The following LRRC7 variants were observed in gnomAD, a reference collection of about 807,000 sequenced individuals.
The protein encoded by LRRC7 is leucine rich repeat containing 7.
A neutral mutation model predicts 175.7 loss-of-function variants in LRRC7; 23 were observed. The ratio of observed to expected loss-of-function variants is 0.13; its 90% CI spans 0.09 to 0.19. The LOEUF (loss-of-function observed/expected upper bound fraction) is 0.19. LRRC7 is among the 10% of genes least tolerant of loss of function. The pLI, the probability that LRRC7 is intolerant of heterozygous loss-of-function variation, is 1.00. For missense variants in LRRC7, 1,354 were observed against 1,904.7 expected, an observed-to-expected ratio of 0.71 and a Z score of 5.38; for synonymous variants, 685 against 680.9, an observed-to-expected ratio of 1.01 and a Z score of -0.09.
chr1:70,038,561 A>G lies in LRRC7; in HGVS notation c.2737A>G (p.Lys913Glu). The G allele has an allele frequency of 6.2e-7, 1 of 1,614,152 alleles. No homozygotes were observed. The highest frequency in any genetic ancestry group is 1.7e-4 in the Middle Eastern group (1 of 6,060). Reference protein sequence around the residue: ...TPTTSPLPERKEHIKESTEIP... With the variant: ...TPTTSPLPEREEHIKESTEIP... ...CACTACCAGCCCATTGCCTGAAAGG[A>G]AAGAACATATAAAGGAATCTACTGA... is the stretch of plus-strand genomic sequence containing the variant. Residue 913 changes from lysine to glutamate, a missense_variant, in exon 21 of 27, where the codon AAA becomes GAA. Around this residue, in one of 4 missense-constraint regions of LRRC7, gnomAD observed 1,032 missense variants for 1,227.2 expected, o/e 0.84. Coordinates refer to ENST00000651989, the MANE Select transcript of LRRC7 (RefSeq NM_001370785.2).
intron 1 of LRRC7, among the ~76,000 whole-genome samples, chr1:69,612,560 T>C (rs565066269): frequency 2.6e-4 from 40 of 152,088 alleles, no homozygotes; most frequent in African/African-American, 9.6e-4. Flanking sequence ...ATTCTAAAAC[T>C]CTTGTTACTG....
intron 8 of LRRC7, among the ~76,000 whole-genome samples, 174 bp from the exon 9 acceptor site, chr1:69,980,205 G>C (rs1653278323): frequency 6.6e-6 from 1 of 152,020 alleles, no homozygotes; most frequent in Non-Finnish European, 1.5e-5. Flanking sequence ...CAAATTGGCT[G>C]TCAGGGAATA....
At chr1:69,779,128 G>A (rs1673186359) in intron 3 of LRRC7, among the ~76,000 whole-genome samples, 1 of 151,770 alleles carries the variant, frequency 6.6e-6, no homozygotes, top group Admixed American at 6.6e-5. Context: ...ATACCACATT[G>A]ATTACCCTCT....
At chr1:69,669,102 G>A (rs557015832) in intron 1 of LRRC7, among the ~76,000 whole-genome samples, 5 of 152,084 alleles carry the variant, frequency 3.3e-5, no homozygotes, top group Non-Finnish European at 5.9e-5. Context: ...GATAAGAATA[G>A]TTTATACACC....
chr1:70,105,259 A>G (rs144057518), intron 25 of LRRC7, among the ~76,000 whole-genome samples: 186 of 152,262 alleles, frequency 1.2e-3, no homozygotes, highest in African/African-American at 3.7e-3. Flanking sequence ...TTTCTTTTGA[A>G]TTGACCATTT....
intron 7 of LRRC7, among the ~76,000 whole-genome samples, chr1:69,891,203 GT>G: frequency 1.3e-5 from 2 of 152,292 alleles, no homozygotes; most frequent in South Asian, 4.1e-4. Context: ...TTGATTTAAA[GT>G]GGAAGACCCA....
intron 10 of LRRC7, among the ~76,000 whole-genome samples, chr1:69,994,317 G>A (rs959219880): frequency 6.6e-6 from 1 of 152,080 alleles, no homozygotes; most frequent in Admixed American, 6.6e-5. Context: ...ATGTGGAGCT[G>A]TATGTTTTGT....
rs372195409 is a variant in LRRC7, at chr1:69,929,085, T to G, written c.648-2422T>G. Among the ~76,000 whole-genome samples the G allele has an allele frequency of 4.1e-4, 63 of 152,342 alleles. No individual in the cohort carries two copies. In the South Asian group the frequency reaches 0.012, roughly 29 times the overall value. On this transcript the variant is annotated intron_variant, in intron 7 of 26. Transcript: ENST00000651989. ...TATCCATTCAGACCTATTCTCTTTT[T>G]ATCTACATTCATGCCCTTGGTGATC...
chr1:69,908,882 C>G (rs537741922), intron 7 of LRRC7, among the ~76,000 whole-genome samples: 121 of 150,352 alleles, frequency 8.0e-4, no homozygotes, highest in African/African-American at 2.5e-3. Flanking sequence ...TTAAAGTCTC[C>G]CATTATTATT....
At chr1:70,004,830 A>T (rs1474203200) in intron 11 of LRRC7, among the ~76,000 whole-genome samples, 1 of 150,104 alleles carries the variant, frequency 6.7e-6, no homozygotes, top group East Asian at 2.0e-4. Context: ...ATTCCTCTCT[A>T]CTTCTCTACT....
intron 1 of LRRC7, among the ~76,000 whole-genome samples, chr1:69,633,460 C>G: frequency 6.6e-6 from 1 of 151,464 alleles, no homozygotes; most frequent in African/African-American, 2.4e-5. Context: ...ACAAAATCTC[C>G]CTCTGTCACC....
intron 8 of LRRC7, among the ~76,000 whole-genome samples, chr1:69,939,033 ATATATATCTATATC>A (rs1557911103): frequency 1.4e-5 from 1 of 69,280 alleles, no homozygotes; most frequent in Non-Finnish European, 3.6e-5. Flanking sequence ...ATATATATCT[ATATATATCTATATC>A]TATCTCACAG....
chr1:70,085,750 C>A (rs909688671), intron 24 of LRRC7, among the ~76,000 whole-genome samples: 1 of 152,124 alleles, frequency 6.6e-6, no homozygotes, highest in African/African-American at 2.4e-5. Flanking sequence ...TCTCTACTAC[C>A]TTTCCTGCTG....
chr1:69,949,330 A>T (rs1349882696), intron 8 of LRRC7, among the ~76,000 whole-genome samples: 2 of 152,048 alleles, frequency 1.3e-5, no homozygotes, highest in East Asian at 3.9e-4. Context: ...CCAACACTTT[A>T]GGAGGCCTAG....
At chr1:69,924,461 C>T (rs1048614073) in intron 7 of LRRC7, among the ~76,000 whole-genome samples, 3 of 151,562 alleles carry the variant, frequency 2.0e-5, no homozygotes, top group Non-Finnish European at 3.0e-5. Flanking sequence ...CATTTGTATC[C>T]TCTTTTATTT....
Position 69,652,209 on chromosome 1 carries a change from T to A in LRRC7, c.3-26172T>A, listed in dbSNP as rs141764072. On this transcript the variant is annotated intron_variant, in intron 1 of 26. Coordinates refer to ENST00000651989, the MANE Select transcript of LRRC7 (RefSeq NM_001370785.2). Reference sequence around the variant, plus strand: ...CATACAAATAAGAAAGAGGTACAATTTTCTCTGTTCACAGATGACATGATG... The same window carrying A: ...CATACAAATAAGAAAGAGGTACAATATTCTCTGTTCACAGATGACATGATG... Among the ~76,000 whole-genome samples, 218 of 150,940 alleles carry A rather than the reference T, an allele frequency of 1.4e-3. 1 individual carries two copies. The highest frequency in any genetic ancestry group is 5.2e-3 in the African/African-American group (211 of 40,940).
chr1:69,772,699 T>C (rs2100990116), intron 3 of LRRC7, among the ~76,000 whole-genome samples: 1 of 152,326 alleles, frequency 6.6e-6, no homozygotes, highest in East Asian at 1.9e-4. Flanking sequence ...TTTCAGACTA[T>C]GTTTTGTAGG....
At chr1:69,772,327 G>T (rs771591666) in intron 3 of LRRC7, among the ~76,000 whole-genome samples, 5 of 152,058 alleles carry the variant, frequency 3.3e-5, no homozygotes, top group Non-Finnish European at 7.4e-5. Flanking sequence ...ACTCTAAGGA[G>T]TGTGGCATAT....
chr1:69,910,236 C>T (rs910392533), intron 7 of LRRC7, among the ~76,000 whole-genome samples: 11 of 152,306 alleles, frequency 7.2e-5, no homozygotes, highest in East Asian at 3.9e-4. Context: ...TGAGGAAGTG[C>T]GTTCCTTTGG....
Sources: allele counts gnomAD v4.1 joint callset (sites outside exome capture counted in the v4.1 genomes callset), GRCh38; gene constraint gnomAD v4.1.1; regional missense constraint gnomAD v4.1.1; transcripts MANE v1.5; gene names NCBI Gene and HGNC (gene_info 2026-07-23, HGNC 2026-07-21).